The following PMS1 variants were observed in gnomAD, a reference collection of about 807,000 sequenced individuals.
The protein encoded by PMS1 is PMS1 protein homolog 1.
Under a neutral mutation model 93.1 loss-of-function variants are expected in PMS1, and 79 were observed. The ratio of observed to expected loss-of-function variants is 0.85; its 90% confidence interval spans 0.71 to 1.02. The LOEUF (loss-of-function observed/expected upper bound fraction) is 1.02. PMS1 is among the 50% of genes least tolerant of loss of function. The pLI, the probability that PMS1 is intolerant of heterozygous loss-of-function variation, is 0.00. For synonymous variants in PMS1, 335 were observed against 363.4 expected, an observed-to-expected ratio of 0.92 and a Z score of 0.89; for missense variants, 1,064 against 1,085.3, an observed-to-expected ratio of 0.98 and a Z score of 0.28.
chr2:189,789,404 G>T (rs1461823651), intron 1 of PMS1, among the ~76,000 whole-genome samples: 1 of 152,098 alleles, frequency 6.6e-6, no homozygotes, highest in Non-Finnish European at 1.5e-5. Flanking sequence ...GTGTAATAAA[G>T]GTGAACCCCC....
intron 4 of PMS1, among the ~76,000 whole-genome samples, chr2:189,817,068 T>C (rs1233274): frequency 0.068 from 10,418 of 152,228 alleles, 712 homozygotes; most frequent in African/African-American, 0.17. Flanking sequence ...TCTGGAGATA[T>C]TTGATTGTCA....
intron 9 of PMS1, among the ~76,000 whole-genome samples, chr2:189,861,400 CTT>C (rs11295204): frequency 0.035 from 4,756 of 136,928 alleles, 256 homozygotes; most frequent in African/African-American, 0.12. Flanking sequence ...TTTTGAAGGA[CTT>C]TTTTTTTTTT....
At chr2:189,827,982 G>C (rs940851710) in intron 5 of PMS1, among the ~76,000 whole-genome samples, 1 of 152,094 alleles carries the variant, frequency 6.6e-6, no homozygotes, top group Non-Finnish European at 1.5e-5. Context: ...GGAGTGCAGT[G>C]GTGTGATCTC....
Position 189,854,343 on chromosome 2 carries a change from C to T in PMS1, c.1071C>T (p.Asp357=). The T allele has an allele frequency of 1.2e-6, 2 of 1,600,268 alleles. No individual in the cohort carries two copies. Among genetic ancestry groups the T allele is most frequent in the Non-Finnish European group, 1.7e-6 (2 of 1,172,468 alleles). The change falls in exon 9 of 13, where the codon GAC becomes GAT. Residue 357 remains aspartate, a synonymous_variant. Transcript: ENST00000441310. ...ATAAAACAGATGTTTCCGCAGCTGA[C>T]ATCGTTCTTAGTAAAACAGCAGAAA... is the stretch of plus-strand genomic sequence containing the variant. ...ENNKTDVSAA[D]IVLSKTAETD...
chr2:189,822,840 G>A (rs2106343339), intron 5 of PMS1, among the ~76,000 whole-genome samples: 1 of 152,270 alleles, frequency 6.6e-6, no homozygotes, highest in Non-Finnish European at 1.5e-5. Context: ...TCTGTTTCTA[G>A]AGTAAAAATC....
chr2:189,826,516 C>G (rs2052445270), intron 5 of PMS1, among the ~76,000 whole-genome samples: 1 of 146,554 alleles, frequency 6.8e-6, no homozygotes, highest in Non-Finnish European at 1.5e-5. Flanking sequence ...TTCATGTGTT[C>G]CTCTTTTGTT....
At chr2:189,790,036 C>G (rs2048709813) in intron 1 of PMS1, among the ~76,000 whole-genome samples, 1 of 152,116 alleles carries the variant, frequency 6.6e-6, no homozygotes, top group African/African-American at 2.4e-5. Flanking sequence ...CAGGTTGGAT[C>G]TATAAAGGAC....
chr2:189,839,859 C>T lies in PMS1; in HGVS notation c.583-4105C>T, dbSNP rs533425687. On this transcript the variant is annotated intron_variant, in intron 5 of 12. Transcript: ENST00000441310. The stretch of plus-strand genomic sequence containing the variant: ...TGTTGAACAAACTCAAAATTAGTTA[C>T]TTTAAAATTTTTTATTTAACCAAAA... Among the ~76,000 whole-genome samples, 14 of 152,158 alleles carry T rather than the reference C, an allele frequency of 9.2e-5. No individual in the cohort carries two copies. In the East Asian group the frequency reaches 2.7e-3, roughly 29 times the overall value.
intron 1 of PMS1, among the ~76,000 whole-genome samples, chr2:189,787,083 C>A (rs2048417824): frequency 1.3e-5 from 2 of 152,000 alleles, no homozygotes; most frequent in Non-Finnish European, 1.5e-5. Context: ...GAGAAAGATT[C>A]TCTGATCAGT....
chr2:189,863,289 T>C (rs2056227908), intron 9 of PMS1, among the ~76,000 whole-genome samples: 1 of 151,464 alleles, frequency 6.6e-6, no homozygotes, highest in Admixed American at 6.6e-5. Context: ...AGTCTTGCTC[T>C]GTCGCCCAGG....
intron 2 of PMS1, among the ~76,000 whole-genome samples, chr2:189,795,558 A>G (rs1007738166): frequency 1.3e-5 from 2 of 152,218 alleles, no homozygotes; most frequent in Non-Finnish European, 2.9e-5. Flanking sequence ...CTTATTCAAC[A>G]GTTGAATCTG....
At chr2:189,836,739 C>T (rs1328391308) in intron 5 of PMS1, among the ~76,000 whole-genome samples, 1 of 152,178 alleles carries the variant, frequency 6.6e-6, no homozygotes, top group Non-Finnish European at 1.5e-5. Context: ...ATTAGCCCCT[C>T]GATCTGATGC....
chr2:189,832,505 G>A (rs2053038921), intron 5 of PMS1, among the ~76,000 whole-genome samples: 1 of 151,838 alleles, frequency 6.6e-6, no homozygotes, highest in African/African-American at 2.4e-5. Flanking sequence ...TCACTCTGTC[G>A]CCCAGGCTGG....
rs773719324 is a variant in PMS1 at position 189,795,938 on chromosome 2, G to A, written c.302G>A (p.Cys101Tyr). 2 of 1,608,168 alleles carry A rather than the reference G, an allele frequency of 1.2e-6. No homozygotes were observed. Among genetic ancestry groups the A allele is most frequent in the African/African-American group, 1.3e-5 (1 of 74,946 alleles). The change falls in exon 3 of 13, where the codon TGT becomes TAT. Residue 101 changes from cysteine (C) to tyrosine (Y), a missense_variant. By Grantham distance (194) the Cys-to-Tyr change is radical. Coordinates refer to ENST00000441310, the MANE Select transcript of PMS1 (RefSeq NM_000534.5). ...GFRGEALGSI[C>Y]CIAEVLITTR... ...CGTGGAGAAGCCTTGGGGTCAATTT[G>A]TTGTATAGCTGAGGTAAGGTAATTA...
intron 12 of PMS1, among the ~76,000 whole-genome samples, chr2:189,876,936 A>G (rs974600086): frequency 6.6e-6 from 1 of 152,052 alleles, no homozygotes; most frequent in Non-Finnish European, 1.5e-5. Context: ...ATTCAAGCTT[A>G]AAGTCATCTC....
intron 5 of PMS1, among the ~76,000 whole-genome samples, chr2:189,826,448 G>GCCTTTTTTT (rs555492923): frequency 6.9e-6 from 1 of 145,332 alleles, no homozygotes; most frequent in Non-Finnish European, 1.5e-5. Flanking sequence ...TTGGTTTGGG[G>GCCTTTTTTT]TCTTTTTTTT....
intron 11 of PMS1, among the ~76,000 whole-genome samples, chr2:189,869,596 C>T (rs1416078351): frequency 6.6e-6 from 1 of 152,006 alleles, no homozygotes; most frequent in Non-Finnish European, 1.5e-5. Flanking sequence ...GTGGGTGGAT[C>T]ACCTGAGATC....
chr2:189,842,287 G>A (rs2053879863), intron 5 of PMS1, among the ~76,000 whole-genome samples: 2 of 151,910 alleles, frequency 1.3e-5, no homozygotes. Flanking sequence ...CTGCCTCTGT[G>A]ACCACTCCTT....
At chr2:189,844,881 A>T (rs1027058087) in intron 6 of PMS1, among the ~76,000 whole-genome samples, 1 of 151,368 alleles carries the variant, frequency 6.6e-6, no homozygotes, top group Non-Finnish European at 1.5e-5. Context: ...TTTTTGAGAC[A>T]GAGTCTCACT....
Sources: allele counts gnomAD v4.1 joint callset (sites outside exome capture counted in the v4.1 genomes callset), GRCh38; gene constraint gnomAD v4.1.1; transcripts MANE v1.5; gene names NCBI Gene and HGNC (gene_info 2026-07-23, HGNC 2026-07-21).